The following RABGAP1L variants were observed in gnomAD, a reference collection of about 807,000 sequenced individuals.
The protein encoded by RABGAP1L is RAB GTPase activating protein 1 like, also known as rab GTPase-activating protein 1-like.
Under a neutral mutation model 137.7 loss-of-function variants are expected in RABGAP1L, and 63 were observed. That is an observed-to-expected ratio of 0.46 (90% CI 0.37 to 0.56). The LOEUF (loss-of-function observed/expected upper bound fraction) is 0.56. Among genes scored for constraint, RABGAP1L ranks in the 20% least tolerant of loss-of-function variants. RABGAP1L has a pLI of 0.00. For synonymous variants in RABGAP1L, 431 were observed against 433.7 expected (o/e 0.99, Z 0.08); for missense variants, 1,095 against 1,244.0 (o/e 0.88, Z 1.80).
chr1:174,954,491 T>C (rs1370740305), intron 19 of RABGAP1L, among the ~76,000 whole-genome samples: 1 of 152,134 alleles, frequency 6.6e-6, no homozygotes, highest in Admixed American at 6.5e-5. Flanking sequence ...CATGTAAAAA[T>C]ATCCCTTTAA....
intron 1 of RABGAP1L, among the ~76,000 whole-genome samples, chr1:174,162,701 G>T (rs950407373): frequency 6.9e-6 from 1 of 145,090 alleles, no homozygotes; most frequent in Non-Finnish European, 1.5e-5. Context: ...TGGGTCAGCC[G>T]TTGAGTCTGA....
chr1:174,743,906 A>G (rs931278641), intron 17 of RABGAP1L, among the ~76,000 whole-genome samples: 2 of 151,752 alleles, frequency 1.3e-5, no homozygotes, highest in Admixed American at 6.5e-5. Flanking sequence ...TGTATAACAA[A>G]TAACTATAAT....
At chr1:174,417,173 A>C (rs536261651) in intron 13 of RABGAP1L, among the ~76,000 whole-genome samples, 1 of 152,158 alleles carries the variant, frequency 6.6e-6, no homozygotes, top group Non-Finnish European at 1.5e-5. Context: ...TATTCTTCTT[A>C]TATCCTTCCC....
chr1:174,171,582 T>G (rs1269366873), intron 1 of RABGAP1L, among the ~76,000 whole-genome samples: 2 of 152,072 alleles, frequency 1.3e-5, no homozygotes, highest in East Asian at 3.8e-4. Context: ...CTCTCTAGAC[T>G]TATTCATCCT....
chr1:174,202,112 C>T (rs1482205051), intron 1 of RABGAP1L, among the ~76,000 whole-genome samples: 4 of 151,748 alleles, frequency 2.6e-5, no homozygotes, highest in African/African-American at 4.8e-5. Flanking sequence ...AATAAACATA[C>T]GTGTGCATGT....
chr1:174,763,325 G>T (rs1685380650), intron 18 of RABGAP1L, among the ~76,000 whole-genome samples: 1 of 150,730 alleles, frequency 6.6e-6, no homozygotes. Context: ...AGACCATCCT[G>T]GCTAACACGG....
At chr1:174,618,648 C>G (rs1190437238) in intron 13 of RABGAP1L, among the ~76,000 whole-genome samples, 1 of 152,110 alleles carries the variant, frequency 6.6e-6, no homozygotes, top group Admixed American at 6.5e-5. Flanking sequence ...CTATACGTCA[C>G]CATCATCAAA....
At chr1:174,197,337 A>G (rs56106938) in intron 1 of RABGAP1L, among the ~76,000 whole-genome samples, 2,070 of 152,246 alleles carry the variant, frequency 0.014, 61 homozygotes, top group African/African-American at 0.048. Context: ...CCTCTTGTCA[A>G]TATCCCAAAG....
chr1:174,552,572 A>G (rs555554911), intron 13 of RABGAP1L, among the ~76,000 whole-genome samples: 2 of 152,288 alleles, frequency 1.3e-5, no homozygotes, highest in African/African-American at 2.4e-5. Flanking sequence ...GAGATAAAAA[A>G]GAATGAGATC....
At chr1:174,398,903 A>T (rs887684438) in intron 13 of RABGAP1L, among the ~76,000 whole-genome samples, 1 of 152,216 alleles carries the variant, frequency 6.6e-6, no homozygotes, top group South Asian at 2.1e-4. Context: ...TTATTTTAGA[A>T]CTGTAAATAT....
intron 18 of RABGAP1L, among the ~76,000 whole-genome samples, chr1:174,799,439 T>C (rs1230265831): frequency 6.6e-6 from 1 of 152,188 alleles, no homozygotes; most frequent in Non-Finnish European, 1.5e-5. Context: ...AAGTATAAGA[T>C]CTATTCTCGT....
intron 10 of RABGAP1L, among the ~76,000 whole-genome samples, chr1:174,293,960 A>G (rs1258007442): frequency 6.6e-6 from 1 of 152,104 alleles, no homozygotes; most frequent in Non-Finnish European, 1.5e-5. Flanking sequence ...GCACTCACTC[A>G]TCACCCTTAT....
intron 13 of RABGAP1L, among the ~76,000 whole-genome samples, chr1:174,615,882 C>T (rs1265036450): frequency 1.3e-5 from 2 of 152,234 alleles, no homozygotes; most frequent in African/African-American, 2.4e-5. Flanking sequence ...CCCTCCGAGC[C>T]AGGTGCAGGA....
chr1:174,541,184 T>C (rs903691198), intron 13 of RABGAP1L, among the ~76,000 whole-genome samples: 5 of 152,154 alleles, frequency 3.3e-5, no homozygotes, highest in African/African-American at 1.2e-4. Flanking sequence ...CTTAGGGAGA[T>C]TTTGGGCTGA....
chr1:174,296,245 A>G (rs978913937), intron 10 of RABGAP1L, among the ~76,000 whole-genome samples: 2 of 152,226 alleles, frequency 1.3e-5, no homozygotes, highest in African/African-American at 4.8e-5. Context: ...ACAATTTCTG[A>G]GGAATAGTGG....
At chr1:174,545,623 G>A (rs141836026) in intron 13 of RABGAP1L, 3,318 of 153,058 alleles carry the variant, frequency 0.022, 119 homozygotes, top group African/African-American at 0.074. Context: ...AGATGAACCC[G>A]GTACCTCTGT....
At chr1:174,401,071 G>A (rs565399511) in intron 13 of RABGAP1L, among the ~76,000 whole-genome samples, 1 of 152,182 alleles carries the variant, frequency 6.6e-6, no homozygotes, top group African/African-American at 2.4e-5. Context: ...CTGGAACCAA[G>A]GACCAAGCAG....
chr1:174,230,339 T>C (rs1337307563), intron 3 of RABGAP1L, among the ~76,000 whole-genome samples: 2 of 152,104 alleles, frequency 1.3e-5, no homozygotes, highest in African/African-American at 4.8e-5. Flanking sequence ...ATGGCACATA[T>C]ATACGTATGT....
In RABGAP1L at chr1:174,699,564, A is replaced by G. The variant is rs898711430; in HGVS notation, c.1939A>G (p.Met647Val). 5.6e-6 allele frequency: 9 copies of G among 1,611,940 alleles called. No homozygotes were observed. The highest frequency in any genetic ancestry group is 2.7e-5 in the African/African-American group (2 of 74,872). The change falls in exon 16 of 26, where the codon ATG becomes GTG. Residue 647 changes from methionine to valine, a missense_variant. This residue lies in a region of RABGAP1L where 315 missense variants were observed against 324.8 expected (regional missense o/e 0.97). Coordinates refer to ENST00000681986, the MANE Select transcript of RABGAP1L (RefSeq NM_001366446.1). ...EQAFCVLVKI[M>V]YDYGLRDLYR... ...AGCATTCTGTGTTTTGGTGAAAATC[A>G]TGTACGACTATGGTTTGAGAGACCT...
Sources: allele counts gnomAD v4.1 joint callset (sites outside exome capture counted in the v4.1 genomes callset), GRCh38; gene constraint gnomAD v4.1.1; regional missense constraint gnomAD v4.1.1; transcripts MANE v1.5; gene names NCBI Gene and HGNC (gene_info 2026-07-23, HGNC 2026-07-21).